SPATA6L: variants seen among roughly 807,000 people sequenced by gnomAD.
SPATA6L encodes the protein spermatogenesis associated 6-like protein.
Under a neutral mutation model 49.2 loss-of-function variants are expected in SPATA6L, and 68 were observed. The ratio of observed to expected loss-of-function variants is 1.38; its 90% CI spans 1.14 to 1.69. The LOEUF (loss-of-function observed/expected upper bound fraction) is 1.69. Ranked by LOEUF, SPATA6L falls within the 40% of genes most tolerant of loss-of-function variation. SPATA6L has a pLI of 0.00. For missense variants in SPATA6L, 668 were observed against 464.3 expected (o/e 1.44, Z -4.03); for synonymous variants, 198 against 165.7 (o/e 1.19, Z -1.50).
intron 11 of SPATA6L, among the ~76,000 whole-genome samples, chr9:4,601,401 G>T (rs1396221750): frequency 6.6e-6 from 1 of 151,082 alleles, no homozygotes; most frequent in Non-Finnish European, 1.5e-5. Flanking sequence ...TGGATGTTTG[G>T]TTTTTGTGTG....
At chr9:4,648,721 A>AATAAATAAATAAATAAATAAATAC (rs1327088559) in intron 3 of SPATA6L, among the ~76,000 whole-genome samples, 1 of 120,216 alleles carries the variant, frequency 8.3e-6, no homozygotes, top group Non-Finnish European at 1.8e-5. Context: ...AAATTAAATA[A>AATAAATAAATAAATAAATAAATAC]ATAAATACAT....
At chr9:4,605,508 G>T in intron 9 of SPATA6L, 68 bp from the exon 10 acceptor site, 1 of 1,033,096 alleles carries the variant, frequency 9.7e-7, no homozygotes, top group Non-Finnish European at 1.5e-6. Context: ...AGCACATGAC[G>T]GTATGGATTG....
chr9:4,589,557 T>C (rs1237797660), intron 13 of SPATA6L, among the ~76,000 whole-genome samples: 1 of 152,248 alleles, frequency 6.6e-6, no homozygotes, highest in Admixed American at 6.5e-5. Flanking sequence ...CTTAATTTTT[T>C]CTATAAAGTG....
intron 5 of SPATA6L, chr9:4,627,634 T>C: frequency 1.4e-6 from 1 of 726,550 alleles, no homozygotes; most frequent in Non-Finnish European, 2.0e-6. Flanking sequence ...CAACATTATA[T>C]GCAATAAGGT....
chr9:4,656,044 C>G lies in SPATA6L; in HGVS notation c.223G>C (p.Glu75Gln), dbSNP rs1420860336. The G allele has an allele frequency of 6.2e-7, 1 of 1,611,612 alleles. No homozygotes were observed. Among genetic ancestry groups the G allele is most frequent in the African/African-American group, 1.3e-5 (1 of 74,794 alleles). Reference protein sequence around the residue: ...VDPGAVVDLLEMWDELAYYEE... With the variant: ...VDPGAVVDLLQMWDELAYYEE... ...TTTTGTTTTTCAGAGTACCTACTTT[C>G]CAAAAGGTCTACTACAGCTCCAGGA... Residue 75 changes from glutamate (E) to glutamine (Q), a missense_variant, in exon 3 of 12, where the codon GAA (glutamate) becomes CAA (glutamine). Transcript: ENST00000682582.
intron 4 of SPATA6L, among the ~76,000 whole-genome samples, chr9:4,634,253 A>G (rs893357799): frequency 5.3e-5 from 8 of 152,186 alleles, no homozygotes; most frequent in African/African-American, 1.9e-4. Flanking sequence ...CTGAAGAGCA[A>G]TATCCCAATA....
intron 4 of SPATA6L, 129 bp from the exon 5 acceptor site, chr9:4,629,297 A>C (rs950899963): frequency 1.7e-6 from 1 of 587,956 alleles, no homozygotes. Flanking sequence ...CATTATCTAA[A>C]ATATATATGT....
At chr9:4,612,533 G>A (rs375707748) in intron 9 of SPATA6L, among the ~76,000 whole-genome samples, 32 of 152,264 alleles carry the variant, frequency 2.1e-4, no homozygotes, top group African/African-American at 7.5e-4. Context: ...AGTCCTTTCT[G>A]AGCCCTCTCC....
intron 9 of SPATA6L, among the ~76,000 whole-genome samples, chr9:4,607,403 G>C (rs1254120516): frequency 6.6e-6 from 1 of 152,026 alleles, no homozygotes; most frequent in Non-Finnish European, 1.5e-5. Flanking sequence ...AGAAAGGTCG[G>C]GTTACCCTCA....
chr9:4,618,353 A>C (rs1828498112), intron 8 of SPATA6L, among the ~76,000 whole-genome samples: 1 of 152,152 alleles, frequency 6.6e-6, no homozygotes, highest in Non-Finnish European at 1.5e-5. Flanking sequence ...AAACCAAAAT[A>C]AACTCATGCT....
chr9:4,603,968 G>C (rs1452125318), intron 11 of SPATA6L, among the ~76,000 whole-genome samples: 1 of 152,186 alleles, frequency 6.6e-6, no homozygotes, highest in Admixed American at 6.5e-5. Flanking sequence ...GGGCAGGGGA[G>C]ATGATTACAA....
intron 2 of SPATA6L, among the ~76,000 whole-genome samples, chr9:4,660,434 C>T (rs542858102): frequency 6.6e-6 from 1 of 152,350 alleles, no homozygotes; most frequent in South Asian, 2.1e-4. Flanking sequence ...TGAAAAAATA[C>T]TCATCATCAC....
chr9:4,606,077 C>G (rs998708053), intron 9 of SPATA6L, among the ~76,000 whole-genome samples: 1 of 152,136 alleles, frequency 6.6e-6, no homozygotes, highest in Non-Finnish European at 1.5e-5. Flanking sequence ...TCGGGTCACT[C>G]CCACCCAAAT....
chr9:4,643,015 A>G (rs549629327), intron 3 of SPATA6L, among the ~76,000 whole-genome samples: 2 of 152,086 alleles, frequency 1.3e-5, no homozygotes, highest in Non-Finnish European at 2.9e-5. Flanking sequence ...ATTTTTATCT[A>G]TTTATTTATT....
chr9:4,594,723 C>T (rs181873746), downstream of SPATA6L, among the ~76,000 whole-genome samples: 62 of 152,228 alleles, frequency 4.1e-4, no homozygotes, highest in African/African-American at 1.5e-3. Context: ...CAAGACTTAG[C>T]CTCTGTCCAG....
chr9:4,615,370 A>G (rs1305943964), intron 9 of SPATA6L, among the ~76,000 whole-genome samples: 1 of 152,152 alleles, frequency 6.6e-6, no homozygotes, highest in African/African-American at 2.4e-5. Flanking sequence ...CAGATTGAGT[A>G]TCATTCCTGC....
intron 3 of SPATA6L, among the ~76,000 whole-genome samples, chr9:4,651,844 C>T (rs2130727920): frequency 6.6e-6 from 1 of 152,200 alleles, no homozygotes; most frequent in South Asian, 2.1e-4. Context: ...TTTAATATTA[C>T]AACTAATGGT....
chr9:4,612,345 A>G (rs116505503), intron 9 of SPATA6L, among the ~76,000 whole-genome samples: 39 of 152,242 alleles, frequency 2.6e-4, no homozygotes, highest in African/African-American at 9.4e-4. Context: ...CCCAGACTCC[A>G]AACTGAACCA....
intron 1 of SPATA6L, chr9:4,663,186 C>T: frequency 6.2e-7 from 1 of 1,614,138 alleles, no homozygotes; most frequent in Non-Finnish European, 8.5e-7. Context: ...GGGCTACATG[C>T]AGTACAGCAT....
Sources: allele counts gnomAD v4.1 joint callset (sites outside exome capture counted in the v4.1 genomes callset), GRCh38; gene constraint gnomAD v4.1.1; transcripts MANE v1.5; gene names NCBI Gene and HGNC (gene_info 2026-07-23, HGNC 2026-07-21).